The following R3HDM2 variants were observed in gnomAD, a reference collection of about 807,000 sequenced individuals.
The protein encoded by R3HDM2 is R3H domain-containing protein 2.
Under a neutral mutation model 124.5 loss-of-function variants are expected in R3HDM2, and 38 were observed. That is an observed-to-expected ratio of 0.31 (90% CI 0.24 to 0.40). R3HDM2 has a LOEUF of 0.40. Among genes scored for constraint, R3HDM2 ranks in the 10% least tolerant of loss-of-function variants. The pLI is 1.00. For synonymous variants in R3HDM2, 391 were observed against 448.0 expected, an observed-to-expected ratio of 0.87 and a Z score of 1.61; for missense variants, 869 against 1,236.9, an observed-to-expected ratio of 0.70 and a Z score of 4.46.
intron 2 of R3HDM2, among the ~76,000 whole-genome samples, chr12:57,348,523 G>A (rs1214526635): frequency 6.6e-5 from 10 of 150,970 alleles, no homozygotes; most frequent in Admixed American, 5.9e-4. Context: ...GCAAAACCCC[G>A]TCTCTACTAA....
At chr12:57,396,476 A>C (rs1430918472) in intron 1 of R3HDM2, among the ~76,000 whole-genome samples, 1 of 146,976 alleles carries the variant, frequency 6.8e-6, no homozygotes, top group Non-Finnish European at 1.5e-5. Flanking sequence ...AAAAAATAAA[A>C]AAATAAAAAA....
intron 2 of R3HDM2, among the ~76,000 whole-genome samples, chr12:57,361,903 T>C (rs1188342903): frequency 6.6e-6 from 1 of 152,082 alleles, no homozygotes; most frequent in Non-Finnish European, 1.5e-5. Context: ...AAGCAACAGA[T>C]GAGTTTCCAG....
chr12:57,351,913 A>T (rs2060716442), intron 2 of R3HDM2, among the ~76,000 whole-genome samples: 1 of 152,206 alleles, frequency 6.6e-6, no homozygotes, highest in Non-Finnish European at 1.5e-5. Context: ...AGACAAAAGC[A>T]GTAAGACATA....
intron 1 of R3HDM2, among the ~76,000 whole-genome samples, chr12:57,426,581 G>A (rs919365400): frequency 1.3e-5 from 2 of 152,250 alleles, no homozygotes; most frequent in East Asian, 1.9e-4. Flanking sequence ...GAGAAGTAAC[G>A]AGTGATATTT....
intron 2 of R3HDM2, among the ~76,000 whole-genome samples, chr12:57,356,353 TC>T (rs1302801953): frequency 1.4e-4 from 21 of 152,208 alleles, no homozygotes; most frequent in Non-Finnish European, 2.4e-4. Flanking sequence ...ATTAAGATGA[TC>T]ATAGGTTATT....
chr12:57,332,027 T>C (rs1326238128), intron 2 of R3HDM2, among the ~76,000 whole-genome samples: 1 of 151,426 alleles, frequency 6.6e-6, no homozygotes, highest in Non-Finnish European at 1.5e-5. Flanking sequence ...GAGGCTATGG[T>C]GAGCTGTGAT....
intron 19 of R3HDM2, among the ~76,000 whole-genome samples, chr12:57,260,819 C>T (rs1266932971): frequency 6.6e-6 from 1 of 152,132 alleles, no homozygotes; most frequent in Admixed American, 6.5e-5. Context: ...CCCTGGGCAC[C>T]AGTCATGCTG....
At chr12:57,311,163 C>T (rs942977557) in intron 2 of R3HDM2, among the ~76,000 whole-genome samples, 2 of 152,106 alleles carry the variant, frequency 1.3e-5, no homozygotes, top group Non-Finnish European at 2.9e-5. Flanking sequence ...TCAAGCTACT[C>T]TCCCTTCAAA....
chr12:57,310,803 C>T (rs2053751251), intron 2 of R3HDM2, among the ~76,000 whole-genome samples: 1 of 152,168 alleles, frequency 6.6e-6, no homozygotes. Context: ...TTCACACTAA[C>T]CCCAGCCAAC....
chr12:57,306,500 C>T (rs1303130021), intron 3 of R3HDM2, among the ~76,000 whole-genome samples: 2 of 151,602 alleles, frequency 1.3e-5, no homozygotes, highest in Non-Finnish European at 2.9e-5. Context: ...CCTCCGCCTC[C>T]TGGGTTCAAG....
At chr12:57,287,500 G>C (rs989134000) in intron 12 of R3HDM2, among the ~76,000 whole-genome samples, 3 of 152,156 alleles carry the variant, frequency 2.0e-5, no homozygotes, top group African/African-American at 7.2e-5. Context: ...AGACTTGAGA[G>C]AGATGGAAAA....
At chr12:57,337,459 C>T (rs993454057) in intron 2 of R3HDM2, among the ~76,000 whole-genome samples, 1 of 152,002 alleles carries the variant, frequency 6.6e-6, no homozygotes, top group Non-Finnish European at 1.5e-5. Context: ...CCCAAATTTC[C>T]CAAGAATTCT....
At chr12:57,420,665 T>C (rs2070106801) in intron 1 of R3HDM2, among the ~76,000 whole-genome samples, 1 of 152,004 alleles carries the variant, frequency 6.6e-6, no homozygotes, top group South Asian at 2.1e-4. Context: ...TTTACTAGTT[T>C]TCCATCTATC....
In R3HDM2 at chr12:57,259,062, G is replaced by A. The variant is rs1289824389; in HGVS notation, c.2132-3C>T. 2 of 1,606,748 alleles carry A rather than the reference G, an allele frequency of 1.2e-6. No homozygotes were observed. The highest frequency in any genetic ancestry group is 1.7e-5 in the Admixed American group (1 of 58,400). On this transcript the variant is annotated splice_region_variant and splice_polypyrimidine_tract_variant and intron_variant, in intron 19 of 23. Transcript: ENST00000402412. Reference sequence around the variant, plus strand: ...ACCTGGTCCAGAAGGTGACACTCCTGAAGGGCAGGAAGAAAGCAGTTGGTT... The same window carrying A: ...ACCTGGTCCAGAAGGTGACACTCCTAAAGGGCAGGAAGAAAGCAGTTGGTT...
chr12:57,259,411 C>T (rs2040089424), intron 19 of R3HDM2, among the ~76,000 whole-genome samples: 1 of 152,200 alleles, frequency 6.6e-6, no homozygotes, highest in Non-Finnish European at 1.5e-5. Context: ...GGTACGGGTC[C>T]AGGTCTGGGC....
At chr12:57,353,101 TA>T (rs1347907101) in intron 2 of R3HDM2, among the ~76,000 whole-genome samples, 40 of 152,160 alleles carry the variant, frequency 2.6e-4, no homozygotes, top group Non-Finnish European at 4.9e-4. Context: ...GAATAAGAAT[TA>T]GCACAAATCA....
intron 2 of R3HDM2, among the ~76,000 whole-genome samples, chr12:57,368,869 C>A (rs996296274): frequency 6.6e-6 from 1 of 152,100 alleles, no homozygotes. Context: ...CGGACCCCCC[C>A]AAACTCTGCA....
At chr12:57,405,867 G>A (rs2068480035) in intron 1 of R3HDM2, among the ~76,000 whole-genome samples, 1 of 152,100 alleles carries the variant, frequency 6.6e-6, no homozygotes, top group African/African-American at 2.4e-5. Context: ...TCTGATCCAT[G>A]TTCAGAAATG....
chr12:57,380,415 A>G (rs2064691559), intron 2 of R3HDM2, among the ~76,000 whole-genome samples: 1 of 152,220 alleles, frequency 6.6e-6, no homozygotes. Flanking sequence ...AGGTAGACAG[A>G]ATGATGGCTG....
Sources: gnomAD v4.1 joint callset for allele counts (sites outside exome capture counted in the v4.1 genomes callset) on GRCh38, gnomAD v4.1.1 for gene constraint, MANE v1.5 for transcripts, NCBI Gene and HGNC (gene_info 2026-07-23, HGNC 2026-07-21) for gene names.